Variants in FGF13 observed in about 807,000 individuals in gnomAD.
The protein encoded by FGF13 is fibroblast growth factor 13.
Under a neutral mutation model 19.5 loss-of-function variants are expected in FGF13, and 2 were observed. The ratio of observed to expected loss-of-function variants is 0.10; its 90% CI spans 0.04 to 0.32. The LOEUF (loss-of-function observed/expected upper bound fraction) is 0.32, where lower values mean the gene tolerates loss of function less well. Ranked by LOEUF, FGF13 falls within the 10% of genes least tolerant of loss-of-function variation. The pLI is 1.00. For missense variants in FGF13, 113 were observed against 192.7 expected (o/e 0.59, Z 2.45); for synonymous variants, 72 against 76.9 (o/e 0.94, Z 0.33).
Position 139,072,009 on chromosome X carries a change from C to CAAAAAA in FGF13, c.-113+131401_-113+131406dup, listed in dbSNP as rs547217409. 9.7e-3 allele frequency among the ~76,000 whole-genome samples: 241 copies of CAAAAAA among 24,824 alleles called. 20 individuals carry two copies. Among genetic ancestry groups the CAAAAAA allele is most frequent in the African/African-American group, 0.039 (231 of 5,968 alleles). 21.6% of individuals were successfully genotyped at this position (24,824 alleles called of 115,157 possible). A position where few individuals can be genotyped will look rare whatever the true frequency, so the allele number is the denominator to read the frequency against. ...CCAGCCACAGAGCGAGATTCCATCT[C>CAAAAAA]AAAAAAAAAAAAAAAAAAAAAAGCC... is the stretch of plus-strand genomic sequence containing the variant. On this transcript the variant is annotated intron_variant, in intron 1 of 2. Coordinates refer to the FGF13 transcript ENST00000421460.
At chrX:139,042,573 A>G (rs910903409) in intron 1 of FGF13, among the ~76,000 whole-genome samples, 1 of 36,873 alleles carries the variant, frequency 2.7e-5, no homozygotes, top group Non-Finnish European at 7.4e-5. Context: ...CATTTATGTA[A>G]AAAAAATTTG....
At chrX:138,719,917 A>G (rs959360503) in intron 1 of FGF13, among the ~76,000 whole-genome samples, 1 of 113,004 alleles carries the variant, frequency 8.8e-6, no homozygotes, top group Non-Finnish European at 1.9e-5. Context: ...TTACCTAATG[A>G]TTTCATTTTA....
At chrX:138,956,715 C>G (rs1333995603) in intron 1 of FGF13, among the ~76,000 whole-genome samples, 1 of 111,300 alleles carries the variant, frequency 9.0e-6, no homozygotes, top group African/African-American at 3.3e-5. Context: ...CTCAGTCTCT[C>G]CCTTCTTTTT....
chrX:138,801,473 C>T (rs1283516485), intron 3 of FGF13, among the ~76,000 whole-genome samples: 3 of 111,534 alleles, frequency 2.7e-5, no homozygotes, highest in Non-Finnish European at 5.7e-5. Context: ...CCCAGAGGGG[C>T]ACCCGCCTGA....
chrX:138,713,604 C>T (rs1471554412), upstream of FGF13, among the ~76,000 whole-genome samples: 2 of 111,720 alleles, frequency 1.8e-5, no homozygotes, highest in Admixed American at 9.4e-5. Context: ...AGGGGATAGA[C>T]CTTAGAAGAA....
chrX:138,724,516 C>T lies in FGF13; in HGVS notation c.28+14726G>A, dbSNP rs143830920. ...TACTATGTTAAAAAGGAGGAGTTAG[C>T]AAAGAGTACTTACAGGGTTTTCAAG... is the stretch of plus-strand genomic sequence containing the variant. On this transcript the variant is annotated intron_variant, in intron 1 of 4. Transcript: ENST00000305414. 7.2e-3 allele frequency among the ~76,000 whole-genome samples: 801 copies of T among 111,666 alleles called. 3 individuals are homozygous for T. The highest frequency in any genetic ancestry group is 0.011 in the Non-Finnish European group (608 of 52,963).
chrX:138,787,071 C>G (rs957947093), intron 3 of FGF13, among the ~76,000 whole-genome samples: 2 of 112,791 alleles, frequency 1.8e-5, no homozygotes, highest in African/African-American at 6.4e-5. Flanking sequence ...CAATTTGCAA[C>G]AGTTTTAGAC....
intron 1 of FGF13, among the ~76,000 whole-genome samples, chrX:138,959,732 T>C (rs2091859582): frequency 8.9e-6 from 1 of 112,054 alleles, no homozygotes; most frequent in Non-Finnish European, 1.9e-5. Context: ...ATATTTAGGA[T>C]AGTTAGCTCT....
In FGF13 at chrX:138,632,756, CA is replaced by C; in HGVS notation, c.*93del. The C allele has an allele frequency of 2.9e-6, 3 of 1,035,441 alleles. No homozygotes were observed. The highest frequency in any genetic ancestry group is 3.9e-6 in the Non-Finnish European group (3 of 769,135). The allele number at this position is 1,035,441 out of a possible 1,213,427, so 85.3% of individuals were successfully genotyped here. A position where few individuals can be genotyped will look rare whatever the true frequency, so the allele number is the denominator to read the frequency against. ...CTGTTTGTTTGGTAAATGTCACTGA[CA>C]AATTTGAACTTTTGGGTGAAGGACT... is the stretch of plus-strand genomic sequence containing the variant. On this transcript the variant is annotated 3_prime_UTR_variant, in exon 5 of 5. Coordinates refer to ENST00000315930, the MANE Select transcript of FGF13 (RefSeq NM_004114.5).
At chrX:138,999,069 C>T (rs746396513) in intron 1 of FGF13, among the ~76,000 whole-genome samples, 4 of 112,065 alleles carry the variant, frequency 3.6e-5, no homozygotes, top group Non-Finnish European at 3.8e-5. Flanking sequence ...ACTGAACAAC[C>T]TGCTCCTGAA....
intron 3 of FGF13, among the ~76,000 whole-genome samples, chrX:138,834,404 C>T (rs2091096572): frequency 1.8e-5 from 2 of 110,676 alleles, no homozygotes; most frequent in Admixed American, 9.6e-5. Context: ...GGAATTTATC[C>T]ATTTCTTCTA....
chrX:139,186,259 G>T (rs989292909), intron 1 of FGF13, among the ~76,000 whole-genome samples: 4 of 111,724 alleles, frequency 3.6e-5, no homozygotes, highest in Admixed American at 9.5e-5. Flanking sequence ...TCACACAGTT[G>T]TAAGTGCTAG....
chrX:138,680,852 C>T (rs1415282238), intron 3 of FGF13, among the ~76,000 whole-genome samples: 1 of 110,841 alleles, frequency 9.0e-6, no homozygotes, highest in Non-Finnish European at 1.9e-5. Flanking sequence ...CATCTCCTTC[C>T]AATAGAAGGC....
intron 1 of FGF13, among the ~76,000 whole-genome samples, chrX:138,892,657 G>A (rs914773184): frequency 2.7e-5 from 3 of 110,765 alleles, no homozygotes; most frequent in African/African-American, 6.6e-5. Context: ...CTCCAAAGGA[G>A]TGACCAGGGA....
At chrX:138,975,896 T>C (rs2091937721) in intron 1 of FGF13, among the ~76,000 whole-genome samples, 1 of 111,980 alleles carries the variant, frequency 8.9e-6, no homozygotes, top group Non-Finnish European at 1.9e-5. Context: ...AATGTGAATA[T>C]ACTGGGAAGG....
chrX:139,161,109 C>G (rs2084028846), intron 1 of FGF13, among the ~76,000 whole-genome samples: 1 of 111,883 alleles, frequency 8.9e-6, no homozygotes, highest in African/African-American at 3.3e-5. Flanking sequence ...AAAATACTGG[C>G]AAAATGAATC....
chrX:138,694,698 G>A (rs867310871), intron 3 of FGF13, among the ~76,000 whole-genome samples: 1 of 107,727 alleles, frequency 9.3e-6, no homozygotes, highest in East Asian at 2.9e-4. Flanking sequence ...GGATGGTCTC[G>A]ATCTCCTGAC....
intron 2 of FGF13, among the ~76,000 whole-genome samples, chrX:138,705,737 A>G (rs933631074): frequency 8.9e-6 from 1 of 112,033 alleles, no homozygotes; most frequent in Non-Finnish European, 1.9e-5. Flanking sequence ...GTGAGCTTAA[A>G]CCAAATAAAT....
intron 1 of FGF13, among the ~76,000 whole-genome samples, chrX:138,961,237 G>C (rs542050820): frequency 8.9e-6 from 1 of 111,872 alleles, no homozygotes; most frequent in East Asian, 2.8e-4. Context: ...ATTCCTTTCT[G>C]TTTGTTAGTT....
Sources: allele counts gnomAD v4.1 joint callset (sites outside exome capture counted in the v4.1 genomes callset), GRCh38; gene constraint gnomAD v4.1.1; transcripts MANE v1.5; gene names NCBI Gene and HGNC (gene_info 2026-07-23, HGNC 2026-07-21).